Variants in ZNF454 observed in about 807,000 individuals in gnomAD.
ZNF454 encodes the protein zinc finger protein 454.
In ZNF454, 30 loss-of-function variants were observed where a neutral mutation model predicts 48.2. The ratio of observed to expected loss-of-function variants is 0.62; its 90% CI spans 0.47 to 0.84. The LOEUF (loss-of-function observed/expected upper bound fraction) is 0.84, where lower values mean the gene tolerates loss of function less well. Ranked by LOEUF, ZNF454 falls within the 40% of genes least tolerant of loss-of-function variation. The pLI, the probability that ZNF454 is intolerant of heterozygous loss-of-function variation, is 0.00. For missense variants in ZNF454, 510 were observed against 623.1 expected (o/e 0.82, Z 1.93); for synonymous variants, 204 against 211.4 (o/e 0.97, Z 0.30).
chr5:178,977,011 G>T, the ZNF454 span, among the ~76,000 whole-genome samples: 1 of 152,168 alleles, frequency 6.6e-6, no homozygotes, highest in Admixed American at 6.5e-5. Flanking sequence ...AGGTAAATTT[G>T]AGAATAAACC....
chr5:178,972,690 C>T, the ZNF454 span, among the ~76,000 whole-genome samples: 1 of 151,428 alleles, frequency 6.6e-6, no homozygotes, highest in African/African-American at 2.4e-5. Flanking sequence ...AGGCTGCGGC[C>T]TTTGGTGGCT....
the ZNF454 span, chr5:178,981,603 G>A: frequency 2.4e-5 from 34 of 1,394,500 alleles, no homozygotes; most frequent in Middle Eastern, 1.9e-4. The surrounding 1 kb of genome is among the most constrained non-coding windows in gnomAD (Gnocchi z 5.1). Context: ...CTTCCACCTC[G>A]AGGCAAGAGG....
chr5:178,942,934 G>T, intron 2 of ZNF454, 110 bp downstream of exon 2: 1 of 1,261,816 alleles, frequency 7.9e-7, no homozygotes, highest in South Asian at 1.5e-5. Flanking sequence ...CCCAGACACT[G>T]ACCTCAGTTG....
intron 4 of ZNF454, among the ~76,000 whole-genome samples, chr5:178,952,275 G>A (rs1759590570): frequency 6.6e-6 from 1 of 152,150 alleles, no homozygotes; most frequent in Non-Finnish European, 1.5e-5. Context: ...CTGACCTCGT[G>A]ATCCGCCCGC....
intron 4 of ZNF454, among the ~76,000 whole-genome samples, chr5:178,952,541 A>C (rs1213805201): frequency 6.6e-6 from 1 of 152,158 alleles, no homozygotes; most frequent in South Asian, 2.1e-4. Flanking sequence ...CTTTATGAAC[A>C]GAAGTTCTTA....
rs1396748543 is a variant in ZNF454 at position 178,965,938 on chromosome 5, A to T, written c.1534A>T (p.Ile512Phe). Reference protein sequence around the residue: ...GKAFNQTANLIQHQRHHIGEK With the variant: ...GKAFNQTANLFQHQRHHIGEK ...AGCTTTTAACCAGACTGCAAACCTC[A>T]TTCAGCATCAGAGACATCATATTGG... Residue 512 changes from isoleucine to phenylalanine, a missense_variant, in exon 5 of 5, where the codon ATT (isoleucine) becomes TTT (phenylalanine). Coordinates refer to ENST00000519564, the MANE Select transcript of ZNF454 (RefSeq NM_001178089.3). The surrounding 1 kb of genome is among the most constrained non-coding windows in gnomAD (Gnocchi z 5.2). 6.3e-7 allele frequency: 1 copy of T among 1,597,294 alleles called. No homozygotes were observed. Among genetic ancestry groups the T allele is most frequent in the Non-Finnish European group, 8.5e-7 (1 of 1,172,166 alleles).
chr5:178,945,524 G>A (rs1054437353), intron 2 of ZNF454, among the ~76,000 whole-genome samples: 4 of 149,588 alleles, frequency 2.7e-5, no homozygotes, highest in Non-Finnish European at 4.5e-5. Context: ...GCATCTCTGT[G>A]TGGGGGGTGT....
chr5:178,956,399 C>A (rs1325902623), intron 4 of ZNF454, among the ~76,000 whole-genome samples: 1 of 151,262 alleles, frequency 6.6e-6, no homozygotes, highest in Non-Finnish European at 1.5e-5. Flanking sequence ...GACTAACGTC[C>A]TTTTTGGACG....
downstream of ZNF454, among the ~76,000 whole-genome samples, chr5:178,971,096 G>A (rs988838452): frequency 5.3e-5 from 8 of 152,330 alleles, no homozygotes; most frequent in Non-Finnish European, 1.5e-5. Flanking sequence ...AAACCGTTAC[G>A]TCCATCCTGT....
At chr5:178,951,109 C>T (rs1407824802) in intron 4 of ZNF454, among the ~76,000 whole-genome samples, 1 of 152,082 alleles carries the variant, frequency 6.6e-6, no homozygotes, top group Non-Finnish European at 1.5e-5. Context: ...CCGCCCACCT[C>T]GGCCTCCCAA....
At chr5:178,961,956 A>G (rs891723204) in intron 4 of ZNF454, among the ~76,000 whole-genome samples, 2 of 151,604 alleles carry the variant, frequency 1.3e-5, no homozygotes, top group Non-Finnish European at 2.9e-5. Context: ...TTGCTTATCC[A>G]TATATTTAAC....
chr5:178,975,906 CTCTCTA>C, the ZNF454 span, among the ~76,000 whole-genome samples: 4 of 152,322 alleles, frequency 2.6e-5, no homozygotes, highest in Admixed American at 1.3e-4. Context: ...GCAAAACTCT[CTCTCTA>C]TATCTTTATC....
intron 4 of ZNF454, among the ~76,000 whole-genome samples, chr5:178,956,284 C>T (rs868094930): frequency 3.7e-4 from 57 of 152,022 alleles, no homozygotes; most frequent in African/African-American, 1.1e-3. Flanking sequence ...TCATTGGGTC[C>T]GTTTTCTCTA....
chr5:178,968,817 G>T (rs1031132706), downstream of ZNF454: 1 of 456,612 alleles, frequency 2.2e-6, no homozygotes, highest in Admixed American at 2.3e-5. Flanking sequence ...CCACTACTTG[G>T]TATGTGCCTA....
intron 4 of ZNF454, among the ~76,000 whole-genome samples, chr5:178,955,625 A>G (rs955857585): frequency 6.6e-6 from 1 of 152,224 alleles, no homozygotes; most frequent in African/African-American, 2.4e-5. Context: ...GAGTGATATT[A>G]GTCTATAGTT....
the ZNF454 span, chr5:178,977,509 A>G: frequency 5.0e-6 from 2 of 401,478 alleles, no homozygotes; most frequent in Admixed American, 5.2e-5. Flanking sequence ...TAGCAGCCTG[A>G]ATAGAGTAAA....
chr5:178,951,256 C>T (rs1250474782), intron 4 of ZNF454, among the ~76,000 whole-genome samples: 5 of 152,256 alleles, frequency 3.3e-5, no homozygotes, highest in East Asian at 1.9e-4. Context: ...TTTTGAATAT[C>T]GTACATCATG....
At chr5:178,982,455 G>A in the ZNF454 span, among the ~76,000 whole-genome samples, 3 of 151,878 alleles carry the variant, frequency 2.0e-5, no homozygotes, top group Non-Finnish European at 4.4e-5. Flanking sequence ...GCAGGCACCT[G>A]TAGTCCCAGC....
intron 2 of ZNF454, among the ~76,000 whole-genome samples, chr5:178,943,481 C>G (rs1759192391): frequency 6.6e-6 from 1 of 152,274 alleles, no homozygotes; most frequent in South Asian, 2.1e-4. Flanking sequence ...CAGGCCCCCC[C>G]TCCAACATTG....
Sources: allele counts gnomAD v4.1 joint callset (sites outside exome capture counted in the v4.1 genomes callset), GRCh38; gene constraint gnomAD v4.1.1; non-coding constraint Gnocchi (gnomAD v3.1); transcripts MANE v1.5; gene names NCBI Gene and HGNC (gene_info 2026-07-23, HGNC 2026-07-21).